Variants in ASMTL observed in about 807,000 individuals in gnomAD.
ASMTL encodes the protein probable bifunctional dTTP/UTP pyrophosphatase/methyltransferase protein.
ASMTL carries 57 observed loss-of-function variants against 60.3 expected under a neutral mutation model. The observed-to-expected ratio is 0.95, with a 90% CI of 0.76 to 1.18. The LOEUF (loss-of-function observed/expected upper bound fraction) is 1.18, where lower values mean the gene tolerates loss of function less well. Among genes scored for constraint, ASMTL ranks in the 50% most tolerant of loss-of-function variants. ASMTL has a pLI of 0.00. For synonymous variants in ASMTL, 419 were observed against 373.0 expected (o/e 1.12, Z -1.42); for missense variants, 981 against 852.6 (o/e 1.15, Z -1.88).
chrX:1,441,447 T>G (rs1189198657), intron 2 of ASMTL: 1 of 152,114 alleles, frequency 6.6e-6, no homozygotes, highest in African/African-American at 2.4e-5. Flanking sequence ...CAGCTAATTT[T>G]TGTATGTTTA....
chrX:1,408,303 C>T (rs1250054719), intron 12 of ASMTL, among the ~76,000 whole-genome samples: 2 of 38,808 alleles, frequency 5.2e-5, no homozygotes, highest in African/African-American at 4.0e-4. Flanking sequence ...CCCAAATACT[C>T]GGGAGGCTGA....
rs186386468 is a variant in ASMTL, at chrX:1,410,603, G to A, written c.1645+2129C>T. The stretch of plus-strand genomic sequence containing the variant: ...TAATTTTTGTATTTTTAGTAGAGGC[G>A]GGGTTTCACCACGTGGCTTAGGCTG... On this transcript the variant is annotated intron_variant, in intron 12 of 12. Transcript: ENST00000381317. Among the ~76,000 whole-genome samples the A allele has an allele frequency of 4.4e-4, 67 of 152,086 alleles. 1 individual carries two copies. Among genetic ancestry groups the A allele is most frequent in the African/African-American group, 1.4e-3 (60 of 41,512 alleles).
chrX:1,428,010 C>A lies in ASMTL; in HGVS notation c.621G>T (p.Gln207His). Reference sequence around the variant, plus strand: ...GGGGCGGGTAGTAGAGCTTCACCAGCTGCTTGCAGAAGTGGTTCAGCGGGA... The same window carrying A: ...GGGGCGGGTAGTAGAGCTTCACCAGATGCTTGCAGAAGTGGTTCAGCGGGA... ...VGFPLNHFCK[Q>H]LVKLYYPPRP... The change falls in exon 7 of 13, where the codon CAG becomes CAT. Residue 207 changes from glutamine to histidine, a missense_variant. Physicochemically the swap from Gln to His is conservative, Grantham distance 24. Coordinates refer to ENST00000381317, the MANE Select transcript of ASMTL (RefSeq NM_004192.4). The A allele has an allele frequency of 1.2e-6, 2 of 1,613,668 alleles. No homozygotes were observed. The highest frequency in any genetic ancestry group is 1.7e-4 in the Middle Eastern group (1 of 6,052).
At chrX:1,446,710 A>G (rs2091238447) in intron 1 of ASMTL, among the ~76,000 whole-genome samples, 1 of 152,088 alleles carries the variant, frequency 6.6e-6, no homozygotes, top group African/African-American at 2.4e-5. Flanking sequence ...CATGTTAGCC[A>G]GGATGGTCTC....
At chrX:1,426,725 C>T (rs1266154907) in intron 7 of ASMTL, among the ~76,000 whole-genome samples, 11 of 152,078 alleles carry the variant, frequency 7.2e-5, no homozygotes, top group African/African-American at 2.2e-4. Flanking sequence ...TGGTGGTGGG[C>T]GCCTGTAATC....
At chrX:1,436,244 G>A (rs1337006452) in intron 3 of ASMTL, among the ~76,000 whole-genome samples, 1 of 152,208 alleles carries the variant, frequency 6.6e-6, no homozygotes. Context: ...CACGGTCTTG[G>A]CTCACTGCAA....
intron 1 of ASMTL, among the ~76,000 whole-genome samples, chrX:1,449,793 CCAGTAACTATCTCCCATCAA>C (rs1337932580): frequency 4.0e-5 from 6 of 148,420 alleles, no homozygotes; most frequent in African/African-American, 7.6e-5. Flanking sequence ...CCCCCCATCA[CCAGTAACTATCTCCCATCAA>C]CAGTAACTAT....
At chrX:1,438,649 AT>A (rs2091034909) in intron 3 of ASMTL, among the ~76,000 whole-genome samples, 1 of 152,206 alleles carries the variant, frequency 6.6e-6, no homozygotes, top group Non-Finnish European at 1.5e-5. Flanking sequence ...AGTAGCTGCG[AT>A]TACAGGCGGA....
chrX:1,448,729 C>T (rs1489200787), intron 1 of ASMTL, among the ~76,000 whole-genome samples: 17 of 151,876 alleles, frequency 1.1e-4, no homozygotes, highest in African/African-American at 4.1e-4. Context: ...GGACACACAC[C>T]ATCTGGGACA....
At chrX:1,435,825 G>C in intron 3 of ASMTL, 67 bp from the exon 4 acceptor site, 1 of 1,343,410 alleles carries the variant, frequency 7.4e-7, no homozygotes, top group Non-Finnish European at 1.1e-6. Flanking sequence ...AAGTCCCACG[G>C]TCCCATTCGC....
At chrX:1,451,996 G>A (rs1452499231) in intron 1 of ASMTL, among the ~76,000 whole-genome samples, 3 of 142,878 alleles carry the variant, frequency 2.1e-5, no homozygotes, top group Admixed American at 7.0e-5. Flanking sequence ...ATCGCTAGGG[G>A]GTCCCAGGTT....
chrX:1,435,540 T>A, intron 4 of ASMTL, 154 bp downstream of exon 4: 1 of 706,022 alleles, frequency 1.4e-6, no homozygotes, highest in Non-Finnish European at 2.5e-6. Context: ...AGTGCCTGCC[T>A]CCCTGCATAG....
chrX:1,421,611 C>T (rs1254926446), intron 9 of ASMTL, 47 bp downstream of exon 9: 10 of 1,606,656 alleles, frequency 6.2e-6, no homozygotes, highest in East Asian at 2.2e-5. Flanking sequence ...AGTGTTTTAG[C>T]AAAATGCACG....
upstream of ASMTL, among the ~76,000 whole-genome samples, chrX:1,453,450 C>T (rs1477479055): frequency 5.9e-5 from 9 of 152,032 alleles, no homozygotes; most frequent in African/African-American, 9.7e-5. Flanking sequence ...CCCCTCCCCA[C>T]CCCGCCTGCG....
Position 1,436,603 on chromosome X carries a change from C to T in ASMTL, c.274-845G>A, listed in dbSNP as rs1453428490. ...TCCTGACCTTGTGATCCACCCGCCT[C>T]GGCCTCCCAAAGTGCTGGGATGACA... On this transcript the variant is annotated intron_variant, in intron 3 of 12. Coordinates refer to ENST00000381317, the MANE Select transcript of ASMTL (RefSeq NM_004192.4). Among the ~76,000 whole-genome samples, 8 of 152,164 alleles carry T rather than the reference C, an allele frequency of 5.3e-5. 1 individual carries two copies. The highest frequency in any genetic ancestry group is 7.2e-5 in the African/African-American group (3 of 41,442).
At chrX:1,410,567 C>T (rs1409535176) in intron 12 of ASMTL, among the ~76,000 whole-genome samples, 1 of 152,100 alleles carries the variant, frequency 6.6e-6, no homozygotes, top group Non-Finnish European at 1.5e-5. Context: ...GCGTGCACCA[C>T]TACGCCGGAC....
chrX:1,404,614 GGT>G (rs2089735409), intron 12 of ASMTL, among the ~76,000 whole-genome samples: 2 of 151,824 alleles, frequency 1.3e-5, no homozygotes, highest in African/African-American at 2.4e-5. Context: ...TGGGTAGGTA[GGT>G]AGACGAATGG....
chrX:1,447,540 A>C (rs2091253811), intron 1 of ASMTL, among the ~76,000 whole-genome samples: 2 of 151,728 alleles, frequency 1.3e-5, no homozygotes, highest in Non-Finnish European at 2.9e-5. Flanking sequence ...TTGGACACAC[A>C]CCATCTTGGA....
intron 8 of ASMTL, 178 bp from the exon 9 acceptor site, chrX:1,422,020 A>G (rs2090497420): frequency 5.6e-6 from 1 of 178,064 alleles, no homozygotes; most frequent in South Asian, 1.9e-4. Context: ...AATAAACATC[A>G]TCCATCTGAC....
Sources: allele counts gnomAD v4.1 joint callset (sites outside exome capture counted in the v4.1 genomes callset), GRCh38; gene constraint gnomAD v4.1.1; transcripts MANE v1.5; gene names NCBI Gene and HGNC (gene_info 2026-07-23, HGNC 2026-07-21).